RBFOX1: variants seen among roughly 807,000 people sequenced by gnomAD.
The protein encoded by RBFOX1 is RNA binding fox-1 homolog 1, also known as RNA binding protein fox-1 homolog 1.
A neutral mutation model predicts 57.7 loss-of-function variants in RBFOX1; 8 were observed. The observed-to-expected ratio is 0.14, with a 90% CI of 0.08 to 0.25. The LOEUF is 0.25. RBFOX1 is among the 10% of genes least tolerant of loss of function. The pLI is 1.00. For missense variants in RBFOX1, 611 were observed against 548.5 expected, an observed-to-expected ratio of 1.11 and a Z score of -1.14; for synonymous variants, 326 against 222.4, an observed-to-expected ratio of 1.47 and a Z score of -4.15.
intron 3 of RBFOX1, among the ~76,000 whole-genome samples, chr16:5,609,530 C>T (rs1307458882): frequency 1.3e-5 from 2 of 152,162 alleles, no homozygotes; most frequent in East Asian, 1.9e-4. Flanking sequence ...GGAGTAGTGG[C>T]AGGTGTCAAG....
intron 4 of RBFOX1, among the ~76,000 whole-genome samples, chr16:5,934,280 A>G (rs1210151295): frequency 6.6e-6 from 1 of 152,226 alleles, no homozygotes; most frequent in Non-Finnish European, 1.5e-5. Flanking sequence ...TCCCTTTACT[A>G]CAAAGAGGCA....
intron 4 of RBFOX1, among the ~76,000 whole-genome samples, chr16:5,892,392 C>T (rs1874711986): frequency 6.6e-6 from 1 of 152,130 alleles, no homozygotes; most frequent in Admixed American, 6.5e-5. Context: ...GACCTCTGTC[C>T]ATGACTGTAT....
At chr16:6,029,994 A>G (rs188895982) in intron 1 of RBFOX1, among the ~76,000 whole-genome samples, 1 of 151,892 alleles carries the variant, frequency 6.6e-6, no homozygotes, top group Non-Finnish European at 1.5e-5. Context: ...TCTCACTTCA[A>G]CCTCTGCCTC....
intron 2 of RBFOX1, among the ~76,000 whole-genome samples, chr16:6,560,529 C>A (rs2097167018): frequency 6.6e-6 from 1 of 151,846 alleles, no homozygotes; most frequent in South Asian, 2.1e-4. Context: ...AATAGAAGGG[C>A]CAGAGGGAGT....
intron 2 of RBFOX1, among the ~76,000 whole-genome samples, chr16:6,345,065 T>C (rs939826514): frequency 1.3e-5 from 2 of 152,082 alleles, no homozygotes; most frequent in African/African-American, 4.8e-5. Flanking sequence ...TAGGATGAGA[T>C]GTTTGGAAGA....
intron 4 of RBFOX1, among the ~76,000 whole-genome samples, chr16:7,509,441 T>TGTCTGTGTCTGTGTCTGC (rs1252937988): frequency 4.6e-5 from 7 of 151,950 alleles, no homozygotes; most frequent in African/African-American, 1.7e-4. Flanking sequence ...TCTGTGTCTG[T>TGTCTGTGTCTGTGTCTGC]GTCTGTGTGT....
intron 4 of RBFOX1, among the ~76,000 whole-genome samples, chr16:7,053,197 A>G (rs2050702327): frequency 6.6e-6 from 1 of 152,188 alleles, no homozygotes; most frequent in Non-Finnish European, 1.5e-5. Context: ...AAAATAAACA[A>G]CAGAATCCAG....
At chr16:6,320,239 C>T (rs550955612) in intron 2 of RBFOX1, among the ~76,000 whole-genome samples, 92 of 152,228 alleles carry the variant, frequency 6.0e-4, no homozygotes, top group Non-Finnish European at 1.1e-3. Flanking sequence ...AGATTAGACT[C>T]GCAGCTTTTG....
At position 6,669,837 on chromosome 16, in the gene RBFOX1, T is replaced by C. The variant is rs146069557; in HGVS notation, c.-16+15187T>C. The stretch of plus-strand genomic sequence containing the variant: ...ACAGTAGAAAAGCAAATGCTCACCA[T>C]GAGCCAGGCAGGCAGATCTGATGGA... On this transcript the variant is annotated intron_variant, in intron 3 of 15. Coordinates refer to ENST00000550418, the MANE Select transcript of RBFOX1 (RefSeq NM_018723.4). Among the ~76,000 whole-genome samples the C allele has an allele frequency of 3.9e-5, 6 of 152,292 alleles. No individual in the cohort carries two copies. The East Asian group carries it at 9.6e-4, about 24-fold the overall frequency.
intron 3 of RBFOX1, among the ~76,000 whole-genome samples, chr16:5,753,719 A>G (rs1004560863): frequency 1.5e-4 from 23 of 152,324 alleles, no homozygotes; most frequent in African/African-American, 5.5e-4. Flanking sequence ...GTCCCCAGAA[A>G]GTTGGTTGTT....
At chr16:7,125,706 A>C (rs1373376373) in intron 4 of RBFOX1, among the ~76,000 whole-genome samples, 1 of 151,178 alleles carries the variant, frequency 6.6e-6, no homozygotes, top group Non-Finnish European at 1.5e-5. Flanking sequence ...TTTTTTTTTT[A>C]GACAGATGCC....
intron 1 of RBFOX1, among the ~76,000 whole-genome samples, chr16:6,254,511 A>G (rs546125314): frequency 6.6e-6 from 1 of 152,268 alleles, no homozygotes; most frequent in Non-Finnish European, 1.5e-5. Flanking sequence ...CTGAGTTTGA[A>G]GCTTGATCCC....
intron 4 of RBFOX1, among the ~76,000 whole-genome samples, chr16:7,452,000 C>T (rs982883373): frequency 8.5e-5 from 13 of 152,176 alleles, no homozygotes; most frequent in South Asian, 4.2e-4. Context: ...GAGACTAGTA[C>T]GACCAAAGAG....
At chr16:6,308,879 G>A (rs2079876780) in intron 1 of RBFOX1, among the ~76,000 whole-genome samples, 1 of 152,052 alleles carries the variant, frequency 6.6e-6, no homozygotes, top group Non-Finnish European at 1.5e-5. Context: ...ACTTTGCTCA[G>A]TAGCTGTCTC....
chr16:6,220,057 T>A (rs2152876545), intron 1 of RBFOX1, among the ~76,000 whole-genome samples: 1 of 152,132 alleles, frequency 6.6e-6, no homozygotes, highest in South Asian at 2.1e-4. Context: ...TGTTTCTATA[T>A]GAATATATAA....
At chr16:6,994,318 A>G (rs1177612678) in intron 3 of RBFOX1, among the ~76,000 whole-genome samples, 1 of 152,164 alleles carries the variant, frequency 6.6e-6, no homozygotes, top group East Asian at 1.9e-4. Flanking sequence ...GCAGGGTTGG[A>G]TGTAAGTGTC....
chr16:7,287,378 G>A (rs369216178), intron 4 of RBFOX1, among the ~76,000 whole-genome samples: 2 of 152,300 alleles, frequency 1.3e-5, no homozygotes, highest in African/African-American at 4.8e-5. Flanking sequence ...GAGAGCAGCA[G>A]TGTGCAGGAA....
intron 4 of RBFOX1, among the ~76,000 whole-genome samples, chr16:7,066,768 G>C (rs552001975): frequency 1.3e-5 from 2 of 152,254 alleles, no homozygotes; most frequent in South Asian, 4.1e-4. Flanking sequence ...GGGTTTTCCA[G>C]GGAGAAAAGT....
At chr16:5,440,368 A>G (rs1488670277) in intron 1 of RBFOX1, among the ~76,000 whole-genome samples, 1 of 152,232 alleles carries the variant, frequency 6.6e-6, no homozygotes, top group East Asian at 1.9e-4. Context: ...ATTTCTGCCA[A>G]GTATCACAAG....
Sources: gnomAD v4.1 joint callset for allele counts (sites outside exome capture counted in the v4.1 genomes callset) on GRCh38, gnomAD v4.1.1 for gene constraint, MANE v1.5 for transcripts, NCBI Gene and HGNC (gene_info 2026-07-23, HGNC 2026-07-21) for gene names.